COL20A1: variants seen among roughly 807,000 people sequenced by gnomAD.
COL20A1 encodes collagen type XX alpha 1 chain, also known as collagen alpha-1(XX) chain.
In COL20A1, 164 loss-of-function variants were observed where a neutral mutation model predicts 152.9. The observed-to-expected ratio is 1.07, with a 90% confidence interval of 0.94 to 1.22. The LOEUF is 1.22. COL20A1 is among the 50% of genes most tolerant of loss of function. COL20A1 has a pLI of 0.00. For synonymous variants in COL20A1, 864 were observed against 756.0 expected (o/e 1.14, Z -2.34); for missense variants, 1,873 against 1,744.8 (o/e 1.07, Z -1.31).
chr20:63,315,353 G>A (rs146170423), intron 19 of COL20A1, 51 bp from the exon 20 acceptor site: 103 of 1,538,160 alleles, frequency 6.7e-5, no homozygotes, highest in South Asian at 3.8e-4. Context: ...TCTGTCAGGC[G>A]TTGGAGGCTG....
At chr20:63,324,313 TTTTC>T (rs2068211658) in intron 27 of COL20A1, 1 of 152,212 alleles carries the variant, frequency 6.6e-6, no homozygotes, top group Non-Finnish European at 1.5e-5. Flanking sequence ...TCAAATTTCT[TTTTC>T]TTGTCTAATG....
intron 1 of COL20A1, among the ~76,000 whole-genome samples, chr20:63,294,314 CCCCA>C (rs1234443331): frequency 3.3e-5 from 5 of 151,424 alleles, no homozygotes; most frequent in African/African-American, 1.2e-4. Context: ...CTGACATGCT[CCCCA>C]CCTCTCCGAG....
chr20:63,309,169 C>T (rs374750614), intron 8 of COL20A1, among the ~76,000 whole-genome samples, 164 bp from the exon 9 acceptor site: 1 of 152,314 alleles, frequency 6.6e-6, no homozygotes, highest in South Asian at 2.1e-4. Context: ...TTGATGCCCC[C>T]AACCCCTCGG....
At position 63,311,071 on chromosome 20, in the gene COL20A1, C is replaced by T. The variant is rs1158152151; in HGVS notation, c.1394-323C>T. The stretch of plus-strand genomic sequence containing the variant: ...CCTTCTGTCTCTGGATGTGCCTGTC[C>T]CAGACGTTTCCTGCAGGTGGAATCA... On this transcript the variant is annotated intron_variant, in intron 11 of 35. Transcript: ENST00000358894. This position sits in a 1 kb window ranked among gnomAD's most constrained non-coding sequence, Gnocchi z 4.4. Among the ~76,000 whole-genome samples the T allele has an allele frequency of 1.3e-5, 2 of 152,000 alleles. No individual in the cohort carries two copies. Among genetic ancestry groups the T allele is most frequent in the Non-Finnish European group, 2.9e-5 (2 of 67,974 alleles).
intron 20 of COL20A1, 133 bp from the exon 21 acceptor site, chr20:63,316,420 C>G: frequency 1.7e-6 from 1 of 602,536 alleles, no homozygotes. Flanking sequence ...CCCACCCACG[C>G]CGCTCCGTCA....
chr20:63,315,084 C>A (rs2068067692), intron 19 of COL20A1, among the ~76,000 whole-genome samples: 1 of 152,216 alleles, frequency 6.6e-6, no homozygotes, highest in Non-Finnish European at 1.5e-5. Context: ...TCAGGGCACT[C>A]CTGGGTGACC....
intron 2 of COL20A1, among the ~76,000 whole-genome samples, chr20:63,297,286 A>ACCCAGCCTGGGGACTCAGCCCAGGGGC (rs2067807275): frequency 7.1e-6 from 1 of 140,894 alleles, no homozygotes; most frequent in Non-Finnish European, 1.6e-5. Flanking sequence ...AGCTCAGGGG[A>ACCCAGCCTGGGGACTCAGCCCAGGGGC]CCCAGCCTGG....
rs2068366755 is a variant in COL20A1, at chr20:63,334,216, A to G, written c.*3500A>G. 6.6e-6 allele frequency: 1 copy of G among 152,256 alleles called. No homozygotes were observed. The highest frequency in any genetic ancestry group is 2.4e-5 in the African/African-American group (1 of 41,454). 9.4% of individuals were successfully genotyped at this position (152,256 alleles called of 1,614,324 possible). A position where few individuals can be genotyped will look rare whatever the true frequency, so the allele number is the denominator to read the frequency against. On this transcript the variant is annotated 3_prime_UTR_variant, in exon 36 of 36. Transcript: ENST00000358894. Reference sequence around the variant, plus strand: ...GATGAAACTGGAAAAACAACCAATGATAACAAGCTAAAGAATGCCTCTAGA... The same window carrying G: ...GATGAAACTGGAAAAACAACCAATGGTAACAAGCTAAAGAATGCCTCTAGA...
intron 27 of COL20A1, 36 bp from the exon 28 acceptor site, chr20:63,325,405 C>T: frequency 1.3e-6 from 2 of 1,541,072 alleles, no homozygotes; most frequent in Non-Finnish European, 1.8e-6. Context: ...CCTGTGCCCC[C>T]TCCGCTTCGC....
At chr20:63,325,396 C>T in intron 27 of COL20A1, 45 bp from the exon 28 acceptor site, 2 of 1,458,468 alleles carry the variant, frequency 1.4e-6, no homozygotes, top group South Asian at 2.3e-5. Flanking sequence ...CCCTCCTGCC[C>T]TGTGCCCCCT....
Position 63,313,068 on chromosome 20 carries a change from C to T in COL20A1, c.2077-49C>T. On this transcript the variant is annotated intron_variant, in intron 16 of 35. Coordinates refer to ENST00000358894, the MANE Select transcript of COL20A1 (RefSeq NM_020882.4). The surrounding 1 kb of genome is among the most constrained non-coding windows in gnomAD (Gnocchi z 5.9). ...ATGCCTCACTGCCCGGCCCCCCAAC[C>T]TGAGGACCCCACTGCACCCGGTGAC... 1 of 1,578,548 alleles carries T rather than the reference C, an allele frequency of 6.3e-7. No individual in the cohort carries two copies. Among genetic ancestry groups the T allele is most frequent in the Non-Finnish European group, 8.6e-7 (1 of 1,162,542 alleles).
intron 3 of COL20A1, among the ~76,000 whole-genome samples, chr20:63,300,640 G>T (rs2067852629): frequency 6.6e-6 from 1 of 152,002 alleles, no homozygotes; most frequent in South Asian, 2.1e-4. Context: ...ACACATTTTG[G>T]CTTGGTTGGT....
intron 3 of COL20A1, among the ~76,000 whole-genome samples, chr20:63,302,749 C>T (rs952631362): frequency 2.0e-5 from 3 of 152,178 alleles, no homozygotes; most frequent in Non-Finnish European, 4.4e-5. Context: ...TTTTCCTTGA[C>T]ATTTATTTGT....
At chr20:63,327,647 G>A (rs771113332) in intron 31 of COL20A1, 5 of 458,070 alleles carry the variant, frequency 1.1e-5, no homozygotes, top group Non-Finnish European at 1.6e-5. Context: ...CTGTTCTCTG[G>A]GCAGTGTCCC....
At chr20:63,312,113 G>A (rs1241739557) in intron 14 of COL20A1, 58 bp downstream of exon 14, 2 of 1,486,870 alleles carry the variant, frequency 1.3e-6, no homozygotes, top group East Asian at 2.3e-5. Flanking sequence ...GGCCCTGTCT[G>A]GCAGGCATGG....
Position 63,306,052 on chromosome 20 carries a change from GGA to G in COL20A1, c.496+21_496+22del, listed in dbSNP as rs1568768609. 1.3e-6 allele frequency: 2 copies of G among 1,586,236 alleles called. No homozygotes were observed. On this transcript the variant is annotated intron_variant, in intron 5 of 35. Coordinates refer to ENST00000358894, the MANE Select transcript of COL20A1 (RefSeq NM_020882.4). The surrounding 1 kb of genome is among the most constrained non-coding windows in gnomAD (Gnocchi z 6.9). Reference sequence around the variant, plus strand: ...CCGCGCACTCCTGGTGGGTCAGAGTGGAGAGAGAGTAAGTCTCCGGGGAGGGA... The same window carrying G: ...CCGCGCACTCCTGGTGGGTCAGAGTGGAGAGAGTAAGTCTCCGGGGAGGGA...
intron 20 of COL20A1, 79 bp from the exon 21 acceptor site, chr20:63,316,474 T>G: frequency 1.1e-5 from 13 of 1,224,628 alleles, no homozygotes; most frequent in Non-Finnish European, 1.4e-5. Flanking sequence ...CCCTCTTGAG[T>G]CCCCGCTCCT....
chr20:63,325,642 T>A, intron 28 of COL20A1, 26 bp from the exon 29 acceptor site: 1 of 1,598,408 alleles, frequency 6.3e-7, no homozygotes, highest in Non-Finnish European at 8.5e-7. Context: ...GGCCCCTGCC[T>A]GGCCGGCCCC....
rs1478278944 is a variant in COL20A1 at position 63,306,337 on chromosome 20, C to T, written c.496+298C>T. Among the ~76,000 whole-genome samples the T allele has an allele frequency of 2.0e-5, 3 of 147,740 alleles. No homozygotes were observed. The highest frequency in any genetic ancestry group is 2.2e-4 in the South Asian group (1 of 4,470). ...AAGTTCTTCCTCGTGTCTGACCACACGGTCTCTGACCACGAGGCCGGGAAG... is the reference window on the plus strand; with the variant it reads ...AAGTTCTTCCTCGTGTCTGACCACATGGTCTCTGACCACGAGGCCGGGAAG... On this transcript the variant is annotated intron_variant, in intron 5 of 35. Transcript: ENST00000358894. This position sits in a 1 kb window ranked among gnomAD's most constrained non-coding sequence, Gnocchi z 6.9.
Sources: allele counts gnomAD v4.1 joint callset (sites outside exome capture counted in the v4.1 genomes callset), GRCh38; gene constraint gnomAD v4.1.1; non-coding constraint Gnocchi (gnomAD v3.1); transcripts MANE v1.5; gene names NCBI Gene and HGNC (gene_info 2026-07-23, HGNC 2026-07-21).